The following PDE1A variants were observed in gnomAD, a reference collection of about 807,000 sequenced individuals.
The protein encoded by PDE1A is phosphodiesterase 1A, also known as dual specificity calcium/calmodulin-dependent 3',5'-cyclic nucleotide phosphodiesterase 1A.
Under a neutral mutation model 61.7 loss-of-function variants are expected in PDE1A, and 35 were observed. The ratio of observed to expected loss-of-function variants is 0.57; its 90% CI spans 0.43 to 0.75. The LOEUF (loss-of-function observed/expected upper bound fraction) is 0.75, where lower values mean the gene tolerates loss of function less well. Ranked by LOEUF, PDE1A falls within the 30% of genes least tolerant of loss-of-function variation. PDE1A has a pLI of 0.00. For missense variants in PDE1A, 597 were observed against 630.6 expected (o/e 0.95, Z 0.57); for synonymous variants, 232 against 213.2 (o/e 1.09, Z -0.77).
the PDE1A span, among the ~76,000 whole-genome samples, chr2:182,632,368 A>G: frequency 6.6e-6 from 1 of 152,198 alleles, no homozygotes; most frequent in East Asian, 1.9e-4. Flanking sequence ...TTTAGCATCC[A>G]CCTGAGTAAA....
rs142681796 is a variant in PDE1A at position 182,264,411 on chromosome 2, T to G, written c.57A>C (p.Leu19=). The G allele has an allele frequency of 1.9e-6, 3 of 1,609,638 alleles. No individual in the cohort carries two copies. The African/African-American group carries it at 4.0e-5, about 22-fold the overall frequency. Residue 19 remains leucine (L), a synonymous_variant, in exon 2 of 14, where the codon CTA becomes CTC. Coordinates refer to ENST00000351439, the Ensembl canonical transcript of PDE1A. ...TTTCCAGCTGCTTCACCAAGCATCT[T>G]AGTCTATTTCAAAAAAGTAGCCAAA...
At chr2:182,713,592 T>C in the PDE1A span, among the ~76,000 whole-genome samples, 1 of 152,110 alleles carries the variant, frequency 6.6e-6, no homozygotes. Context: ...GATCGCACCA[T>C]TGCACTCCAG....
chr2:182,167,895 G>A (rs1193075837), exon 14 of PDE1A: 2 of 1,063,494 alleles, frequency 1.9e-6, no homozygotes, highest in Non-Finnish European at 2.3e-6. Flanking sequence ...GTGAAAACAG[G>A]TGGACCAAGC....
the PDE1A span, among the ~76,000 whole-genome samples, chr2:182,630,152 T>C: frequency 6.6e-6 from 1 of 152,170 alleles, no homozygotes; most frequent in Non-Finnish European, 1.5e-5. Flanking sequence ...TCTATTGTTT[T>C]TTCTATTCAC....
intron 1 of PDE1A, among the ~76,000 whole-genome samples, chr2:182,270,911 C>T (rs182554136): frequency 3.5e-4 from 53 of 151,924 alleles, no homozygotes; most frequent in African/African-American, 1.2e-3. Context: ...GGTCGATGCT[C>T]AGGAAATTAA....
At chr2:182,706,622 C>T in the PDE1A span, among the ~76,000 whole-genome samples, 5 of 151,998 alleles carry the variant, frequency 3.3e-5, no homozygotes, top group Admixed American at 2.6e-4. Flanking sequence ...CATGTTCTTT[C>T]TTTGTTTTCA....
chr2:182,572,678 G>T, the PDE1A span, among the ~76,000 whole-genome samples: 1 of 151,998 alleles, frequency 6.6e-6, no homozygotes, highest in Non-Finnish European at 1.5e-5. Flanking sequence ...AGACCATCCT[G>T]GCTAACACCA....
intron 13 of PDE1A, among the ~76,000 whole-genome samples, chr2:182,184,934 T>A (rs1315371097): frequency 6.6e-6 from 1 of 152,204 alleles, no homozygotes; most frequent in Non-Finnish European, 1.5e-5. Context: ...TTTCTTAAAT[T>A]CCATGAAAAA....
intron 1 of PDE1A, among the ~76,000 whole-genome samples, chr2:182,292,035 G>A (rs1252563525): frequency 6.6e-6 from 1 of 151,964 alleles, no homozygotes; most frequent in East Asian, 1.9e-4. Flanking sequence ...AAGAAGACTA[G>A]TAGTATAGTA....
At chr2:182,256,194 C>T (rs1303513099) in intron 2 of PDE1A, among the ~76,000 whole-genome samples, 1 of 142,466 alleles carries the variant, frequency 7.0e-6, no homozygotes, top group East Asian at 2.0e-4. Context: ...ACTAACTCGT[C>T]ATCTAGCATT....
At chr2:182,175,969 AG>A (rs1371353693) in intron 13 of PDE1A, among the ~76,000 whole-genome samples, 1 of 144,942 alleles carries the variant, frequency 6.9e-6, no homozygotes, top group Non-Finnish European at 1.5e-5. Flanking sequence ...TGTTTTTCTC[AG>A]GTTTGTCAAA....
chr2:182,269,329 A>G (rs1183382609), intron 1 of PDE1A, among the ~76,000 whole-genome samples: 1 of 151,872 alleles, frequency 6.6e-6, no homozygotes, highest in East Asian at 1.9e-4. Flanking sequence ...TCTCTACTAA[A>G]AATACAAAAT....
intron 1 of PDE1A, among the ~76,000 whole-genome samples, chr2:182,381,798 C>A (rs140712932): frequency 1.3e-5 from 2 of 151,648 alleles, no homozygotes; most frequent in South Asian, 2.1e-4. Flanking sequence ...GGTGACAGAG[C>A]GAGACTCTGT....
At chr2:182,450,023 G>C (rs1395745792) in intron 2 of PDE1A, among the ~76,000 whole-genome samples, 1 of 152,028 alleles carries the variant, frequency 6.6e-6, no homozygotes, top group Non-Finnish European at 1.5e-5. Context: ...AAATGTGCTA[G>C]CTAAAATTAT....
chr2:182,187,034 G>A (rs1685267173), intron 11 of PDE1A, among the ~76,000 whole-genome samples: 1 of 152,186 alleles, frequency 6.6e-6, no homozygotes, highest in Non-Finnish European at 1.5e-5. Flanking sequence ...TTAAATAATT[G>A]AAGGTTTTTC....
chr2:182,365,800 A>G (rs545369024), intron 1 of PDE1A, among the ~76,000 whole-genome samples: 12 of 152,178 alleles, frequency 7.9e-5, no homozygotes, highest in South Asian at 2.1e-4. Context: ...ATTAGAATCT[A>G]TCCCTCATGT....
chr2:182,191,046 C>CA (rs1335112219), intron 10 of PDE1A, among the ~76,000 whole-genome samples: 1 of 152,136 alleles, frequency 6.6e-6, no homozygotes, highest in East Asian at 1.9e-4. Flanking sequence ...ATGTCTAATG[C>CA]ATACATTGAA....
At chr2:182,391,569 T>A (rs1574532071) in intron 1 of PDE1A, among the ~76,000 whole-genome samples, 1 of 152,186 alleles carries the variant, frequency 6.6e-6, no homozygotes, top group African/African-American at 2.4e-5. Flanking sequence ...GGGGAGCACC[T>A]ACATCCTTGA....
intron 1 of PDE1A, among the ~76,000 whole-genome samples, chr2:182,272,389 G>C (rs757482927): frequency 2.0e-5 from 3 of 152,090 alleles, no homozygotes; most frequent in African/African-American, 7.2e-5. Flanking sequence ...TTTTTTCACT[G>C]GGTCCTGCAT....
Sources: allele counts gnomAD v4.1 joint callset (sites outside exome capture counted in the v4.1 genomes callset), GRCh38; gene constraint gnomAD v4.1.1; transcripts MANE v1.5; gene names NCBI Gene and HGNC (gene_info 2026-07-23, HGNC 2026-07-21).